KLHL1: variants seen among roughly 807,000 people sequenced by gnomAD.
The protein encoded by KLHL1 is kelch-like protein 1.
Under a neutral mutation model 77.7 loss-of-function variants are expected in KLHL1, and 47 were observed. The ratio of observed to expected loss-of-function variants is 0.60; its 90% confidence interval spans 0.48 to 0.77. The LOEUF (loss-of-function observed/expected upper bound fraction) is 0.77. Ranked by LOEUF, KLHL1 falls within the 30% of genes least tolerant of loss-of-function variation. The pLI is 0.00. For synonymous variants in KLHL1, 360 were observed against 325.2 expected (o/e 1.11, Z -1.15); for missense variants, 925 against 910.8 (o/e 1.02, Z -0.20).
At chr13:69,957,792 A>C (rs1039627860) in intron 3 of KLHL1, among the ~76,000 whole-genome samples, 5 of 151,808 alleles carry the variant, frequency 3.3e-5, no homozygotes, top group Non-Finnish European at 7.4e-5. Context: ...TCTAGTAGAA[A>C]ACAGTGAAGA....
In KLHL1 at chr13:69,834,682, TAGTA is replaced by T. The variant is rs1443355409; in HGVS notation, c.1414+4290_1414+4293del. 6.6e-5 allele frequency among the ~76,000 whole-genome samples: 10 copies of T among 152,246 alleles called. No individual in the cohort carries two copies. In the South Asian group the frequency reaches 1.2e-3, roughly 19 times the overall value. On this transcript the variant is annotated intron_variant, in intron 6 of 10. Transcript: ENST00000377844. ...TGATAACAAATGTTATCACAATTAATAGTAAGTGTTTCTAAAATTAGAAAGTTTC... is the reference window on the plus strand; with the variant it reads ...TGATAACAAATGTTATCACAATTAATAGTGTTTCTAAAATTAGAAAGTTTC...
At chr13:70,097,572 C>A (rs1887823018) in intron 1 of KLHL1, among the ~76,000 whole-genome samples, 1 of 151,986 alleles carries the variant, frequency 6.6e-6, no homozygotes, top group Non-Finnish European at 1.5e-5. Flanking sequence ...GCAATGTAAT[C>A]TTGGACCTCT....
At chr13:69,892,307 T>G (rs1358982951) in intron 4 of KLHL1, among the ~76,000 whole-genome samples, 1 of 152,156 alleles carries the variant, frequency 6.6e-6, no homozygotes, top group Non-Finnish European at 1.5e-5. Context: ...CACACCTATG[T>G]GTTGAGGTCT....
At chr13:69,748,609 G>C (rs1207346308) in intron 7 of KLHL1, among the ~76,000 whole-genome samples, 2 of 151,922 alleles carry the variant, frequency 1.3e-5, no homozygotes, top group African/African-American at 4.8e-5. Context: ...ATCACCACCA[G>C]TATGACATCA....
chr13:69,915,690 C>G (rs1257007685), intron 4 of KLHL1, among the ~76,000 whole-genome samples: 1 of 152,014 alleles, frequency 6.6e-6, no homozygotes, highest in Non-Finnish European at 1.5e-5. Flanking sequence ...TGGGCAAGGA[C>G]TTCATGTCTA....
intron 5 of KLHL1, among the ~76,000 whole-genome samples, chr13:69,855,525 A>G (rs961567128): frequency 1.1e-4 from 16 of 151,982 alleles, no homozygotes; most frequent in South Asian, 2.1e-4. Context: ...AGGGAGAGGA[A>G]AGAGACCACG....
chr13:69,921,995 C>G (rs1361055952), intron 4 of KLHL1, among the ~76,000 whole-genome samples: 3 of 146,348 alleles, frequency 2.0e-5, no homozygotes, highest in African/African-American at 7.6e-5. Flanking sequence ...GTGGTGCAAT[C>G]ATACCTCACT....
intron 2 of KLHL1, among the ~76,000 whole-genome samples, chr13:69,966,445 C>G (rs997296030): frequency 2.0e-5 from 3 of 152,138 alleles, no homozygotes; most frequent in African/African-American, 7.2e-5. Flanking sequence ...AGACTTACTA[C>G]TCATTGACAA....
intron 4 of KLHL1, among the ~76,000 whole-genome samples, chr13:69,896,946 A>G (rs997252237): frequency 1.3e-5 from 2 of 152,076 alleles, no homozygotes; most frequent in Admixed American, 6.6e-5. Flanking sequence ...CCGGGATTAC[A>G]GGTGTGAGCC....
chr13:69,746,032 T>TA lies in KLHL1; in HGVS notation c.1640-5477_1640-5476insT, dbSNP rs1467241197. ...GTTTGAAATTTTTATTAGAACTTTT[T>TA]TATATATATTACTGAAATGATCACT... is the stretch of plus-strand genomic sequence containing the variant. On this transcript the variant is annotated intron_variant, in intron 7 of 10. Transcript: ENST00000377844. Among the ~76,000 whole-genome samples the TA allele has an allele frequency of 3.3e-5, 5 of 151,718 alleles. No homozygotes were observed. In the East Asian group the frequency reaches 9.7e-4, roughly 29 times the overall value.
intron 8 of KLHL1, among the ~76,000 whole-genome samples, chr13:69,731,953 A>T (rs928982567): frequency 3.3e-5 from 5 of 152,236 alleles, no homozygotes; most frequent in Non-Finnish European, 5.9e-5. Context: ...TGACCTAAAA[A>T]CATATACTTT....
At chr13:69,981,202 A>G (rs1239522976) in intron 1 of KLHL1, among the ~76,000 whole-genome samples, 1 of 150,394 alleles carries the variant, frequency 6.6e-6, no homozygotes, top group African/African-American at 2.5e-5. Context: ...TGGCAGTACA[A>G]TTGTGTACAT....
At chr13:69,958,873 G>C (rs1317554443) in intron 3 of KLHL1, among the ~76,000 whole-genome samples, 2 of 151,712 alleles carry the variant, frequency 1.3e-5, no homozygotes, top group African/African-American at 4.8e-5. Flanking sequence ...CTGTCAGCTG[G>C]TGAGTTAGGT....
intron 3 of KLHL1, among the ~76,000 whole-genome samples, chr13:69,945,835 G>A (rs1883507970): frequency 1.3e-5 from 2 of 152,076 alleles, no homozygotes; most frequent in South Asian, 2.1e-4. Flanking sequence ...TTGCTCAAGA[G>A]TAAAGGAAGA....
chr13:69,987,959 A>G (rs1266377928), intron 1 of KLHL1, among the ~76,000 whole-genome samples: 1 of 151,698 alleles, frequency 6.6e-6, no homozygotes, highest in Non-Finnish European at 1.5e-5. Context: ...TTTTTTTTTA[A>G]TTTATCTTTT....
intron 3 of KLHL1, among the ~76,000 whole-genome samples, chr13:69,942,817 T>A (rs899948083): frequency 6.6e-6 from 1 of 152,152 alleles, no homozygotes; most frequent in Non-Finnish European, 1.5e-5. Flanking sequence ...TTATCATATA[T>A]GAAATTTATA....
chr13:69,975,738 A>C lies in KLHL1; in HGVS notation c.562T>G (p.Phe188Val). 1 of 1,613,482 alleles carries C rather than the reference A, an allele frequency of 6.2e-7. No homozygotes were observed. The highest frequency in any genetic ancestry group is 8.5e-7 in the Non-Finnish European group (1 of 1,179,764). Residue 188 changes from phenylalanine to valine, a missense_variant, in exon 2 of 11, where the codon TTC becomes GTC. Transcript: ENST00000377844. ...TCAGCATGATGAACAGCTTGATAGA[A>C]TTCTTCAGAGCTACTGGAGTCCAAA... ...SDLDSSSSEEFYQAVHHAEQT... is the reference protein window; with the variant it reads ...SDLDSSSSEEVYQAVHHAEQT...
At chr13:69,806,956 T>C (rs535795574) in intron 6 of KLHL1, among the ~76,000 whole-genome samples, 2 of 152,298 alleles carry the variant, frequency 1.3e-5, no homozygotes, top group Non-Finnish European at 2.9e-5. Context: ...AAGTGGACCA[T>C]ACACTCCACA....
At chr13:69,971,094 A>C (rs139972314) in intron 2 of KLHL1, among the ~76,000 whole-genome samples, 1 of 152,204 alleles carries the variant, frequency 6.6e-6, no homozygotes, top group Non-Finnish European at 1.5e-5. Flanking sequence ...CAGTACCCAG[A>C]TTGCCTGGGT....
Sources: allele counts gnomAD v4.1 joint callset (sites outside exome capture counted in the v4.1 genomes callset), GRCh38; gene constraint gnomAD v4.1.1; transcripts MANE v1.5; gene names NCBI Gene and HGNC (gene_info 2026-07-23, HGNC 2026-07-21).